The following NFKB1 variants were observed in gnomAD, a reference collection of about 807,000 sequenced individuals.
The protein encoded by NFKB1 is nuclear factor NF-kappa-B p105 subunit.
Under a neutral mutation model 105.1 loss-of-function variants are expected in NFKB1, and 9 were observed. The observed-to-expected ratio is 0.09, with a 90% CI of 0.05 to 0.15. The LOEUF (loss-of-function observed/expected upper bound fraction) is 0.15, where lower values mean the gene tolerates loss of function less well. Ranked by LOEUF, NFKB1 falls within the 10% of genes least tolerant of loss-of-function variation. NFKB1 has a pLI of 1.00. For synonymous variants in NFKB1, 440 were observed against 442.2 expected, an observed-to-expected ratio of 1.00 and a Z score of 0.06; for missense variants, 830 against 1,203.7, an observed-to-expected ratio of 0.69 and a Z score of 4.59.
chr4:102,553,522 C>G (rs1016334995), intron 5 of NFKB1, among the ~76,000 whole-genome samples: 2 of 151,834 alleles, frequency 1.3e-5, no homozygotes, highest in African/African-American at 4.8e-5. Flanking sequence ...AATGAGAAAC[C>G]TAGAATTTTT....
chr4:102,533,997 G>A, intron 4 of NFKB1, 112 bp downstream of exon 4: 2 of 891,048 alleles, frequency 2.2e-6, no homozygotes, highest in East Asian at 5.2e-5. Flanking sequence ...TTATCTGAAA[G>A]ATCAACAACC....
chr4:102,590,997 A>G (rs1042770299), intron 11 of NFKB1, among the ~76,000 whole-genome samples: 8 of 152,322 alleles, frequency 5.3e-5, no homozygotes, highest in Middle Eastern at 3.4e-3. Flanking sequence ...CTTCAATTCT[A>G]TGATGGCTTA....
intron 19 of NFKB1, among the ~76,000 whole-genome samples, chr4:102,609,831 T>C (rs1481414236): frequency 6.6e-6 from 1 of 152,124 alleles, no homozygotes; most frequent in Non-Finnish European, 1.5e-5. Context: ...TCTGATGTTC[T>C]CCCAGCAAGA....
intron 11 of NFKB1, among the ~76,000 whole-genome samples, chr4:102,588,416 A>G (rs888676266): frequency 7.9e-5 from 12 of 152,064 alleles, no homozygotes; most frequent in African/African-American, 2.9e-4. Flanking sequence ...CAGAGGAGGA[A>G]GATAGTTGAG....
chr4:102,522,704 T>C (rs1740648779), intron 1 of NFKB1, among the ~76,000 whole-genome samples: 3 of 152,146 alleles, frequency 2.0e-5, no homozygotes, highest in Admixed American at 2.0e-4. Flanking sequence ...CTCACCTCTG[T>C]TTTTGAGGAC....
At chr4:102,606,271 T>C (rs2149220336) in intron 16 of NFKB1, among the ~76,000 whole-genome samples, 1 of 152,334 alleles carries the variant, frequency 6.6e-6, no homozygotes, top group East Asian at 1.9e-4. Context: ...AATAAGAATT[T>C]TAAAACATGA....
chr4:102,570,424 T>A (rs1362868044), intron 6 of NFKB1, among the ~76,000 whole-genome samples: 1 of 152,148 alleles, frequency 6.6e-6, no homozygotes, highest in Non-Finnish European at 1.5e-5. Context: ...TATTCCATGG[T>A]ATATATGTAC....
At chr4:102,585,942 G>C (rs1560697204) in intron 11 of NFKB1, among the ~76,000 whole-genome samples, 1 of 152,136 alleles carries the variant, frequency 6.6e-6, no homozygotes, top group Non-Finnish European at 1.5e-5. Flanking sequence ...GGCCAATGTG[G>C]GTAAGGAAGG....
intron 5 of NFKB1, among the ~76,000 whole-genome samples, chr4:102,564,948 A>G (rs1723736392): frequency 6.6e-6 from 1 of 152,184 alleles, no homozygotes; most frequent in African/African-American, 2.4e-5. Flanking sequence ...ATATCATCAT[A>G]ACAAAGACTG....
chr4:102,603,869 C>T (rs1176995085), intron 16 of NFKB1, among the ~76,000 whole-genome samples: 2 of 152,112 alleles, frequency 1.3e-5, no homozygotes, highest in African/African-American at 2.4e-5. Context: ...CCAAGTGCAC[C>T]GAGTTAGGAT....
chr4:102,550,472 A>C (rs1004038447), intron 5 of NFKB1, among the ~76,000 whole-genome samples: 1 of 152,124 alleles, frequency 6.6e-6, no homozygotes, highest in Non-Finnish European at 1.5e-5. Context: ...CCAACACTGC[A>C]GGCTTCTTCC....
intron 16 of NFKB1, among the ~76,000 whole-genome samples, chr4:102,603,837 C>G (rs921333406): frequency 6.6e-6 from 1 of 152,182 alleles, no homozygotes; most frequent in Non-Finnish European, 1.5e-5. Flanking sequence ...CACCCACCCT[C>G]TAGAAACACA....
chr4:102,558,714 G>A (rs999640952), intron 5 of NFKB1, among the ~76,000 whole-genome samples: 3 of 151,936 alleles, frequency 2.0e-5, no homozygotes, highest in African/African-American at 4.8e-5. Context: ...GCAGTGGTGC[G>A]ATCATAGCCC....
At chr4:102,566,484 C>G (rs1029751529) in intron 5 of NFKB1, among the ~76,000 whole-genome samples, 11 of 152,292 alleles carry the variant, frequency 7.2e-5, no homozygotes, top group Admixed American at 3.3e-4. Context: ...ACTTCAGAAC[C>G]AGGTCCCTGG....
chr4:102,514,350 A>G (rs763825495), intron 1 of NFKB1, among the ~76,000 whole-genome samples: 6 of 152,136 alleles, frequency 3.9e-5, no homozygotes, highest in Non-Finnish European at 5.9e-5. Flanking sequence ...AGGATGACCA[A>G]TGTGATGGTA....
intron 1 of NFKB1, among the ~76,000 whole-genome samples, chr4:102,505,759 A>G (rs1440781240): frequency 6.6e-6 from 1 of 152,182 alleles, no homozygotes; most frequent in East Asian, 1.9e-4. Flanking sequence ...AACTAAAAAT[A>G]AATAATATCT....
At chr4:102,609,365 A>T (rs1407019115) in intron 19 of NFKB1, among the ~76,000 whole-genome samples, 1 of 151,978 alleles carries the variant, frequency 6.6e-6, no homozygotes, top group African/African-American at 2.4e-5. Flanking sequence ...TAATCCCAGC[A>T]CTTTGGGAGG....
rs559716280 is a variant in NFKB1 at position 102,566,974 on chromosome 4, G to C, written c.259-13G>C. ...TCAGATATGCTAACTTTTGGAATGTGCTTCTTATATAGATCTGCAACTATG... is the reference window on the plus strand; with the variant it reads ...TCAGATATGCTAACTTTTGGAATGTCCTTCTTATATAGATCTGCAACTATG... On this transcript the variant is annotated splice_polypyrimidine_tract_variant and intron_variant, in intron 5 of 23. Transcript: ENST00000226574. 2 of 1,613,298 alleles carry C rather than the reference G, an allele frequency of 1.2e-6. No individual in the cohort carries two copies. The highest frequency in any genetic ancestry group is 1.1e-5 in the South Asian group (1 of 91,062).
chr4:102,512,659 G>C (rs1200269509), intron 1 of NFKB1, among the ~76,000 whole-genome samples: 1 of 152,224 alleles, frequency 6.6e-6, no homozygotes, highest in East Asian at 1.9e-4. Context: ...ATATGTTAAA[G>C]CGTTTATCTG....
Sources: allele counts gnomAD v4.1 joint callset (sites outside exome capture counted in the v4.1 genomes callset), GRCh38; gene constraint gnomAD v4.1.1; transcripts MANE v1.5; gene names NCBI Gene and HGNC (gene_info 2026-07-23, HGNC 2026-07-21).